Variants in PKHD1 observed in about 807,000 individuals in gnomAD.
PKHD1 encodes the protein PKHD1 ciliary IPT domain containing fibrocystin/polyductin.
PKHD1 carries 291 observed loss-of-function variants against 412.0 expected under a neutral mutation model. The observed-to-expected ratio is 0.71, with a 90% CI of 0.64 to 0.78. The LOEUF is 0.78. Ranked by LOEUF, PKHD1 falls within the 30% of genes least tolerant of loss-of-function variation. The probability of loss-of-function intolerance (pLI) is 0.00; values close to 1 mark genes in which losing one functional copy is unlikely to be tolerated. For missense variants in PKHD1, 4,825 were observed against 4,950.7 expected (o/e 0.97, Z 0.76); for synonymous variants, 1,777 against 1,821.5 (o/e 0.98, Z 0.62).
intron 60 of PKHD1, among the ~76,000 whole-genome samples, chr6:51,691,949 G>T (rs1400169606): frequency 6.6e-6 from 1 of 151,852 alleles, no homozygotes; most frequent in Non-Finnish European, 1.5e-5. Flanking sequence ...CATTTCTTAC[G>T]AACCCTCCAT....
Position 52,022,791 on chromosome 6 carries a change from C to A in PKHD1, c.5380+10G>T, listed in dbSNP as rs988478398. The A allele has an allele frequency of 1.2e-6, 2 of 1,613,636 alleles. No homozygotes were observed. On this transcript the variant is annotated intron_variant, in intron 33 of 66. Coordinates refer to ENST00000371117, the MANE Select transcript of PKHD1 (RefSeq NM_138694.4). Reference sequence around the variant, plus strand: ...GCTTTAAAATATATGTGTGTGGCATCTTTACTCACCATCCAGGGGCAGAAC... The same window carrying A: ...GCTTTAAAATATATGTGTGTGGCATATTTACTCACCATCCAGGGGCAGAAC...
At chr6:51,642,379 G>A (rs1210036984) in intron 63 of PKHD1, among the ~76,000 whole-genome samples, 1 of 152,138 alleles carries the variant, frequency 6.6e-6, no homozygotes, top group Non-Finnish European at 1.5e-5. Flanking sequence ...GTAAGGGTCT[G>A]GAGAATGTGT....
chr6:51,993,338 T>C (rs1459111268), intron 35 of PKHD1, among the ~76,000 whole-genome samples: 1 of 152,208 alleles, frequency 6.6e-6, no homozygotes, highest in Admixed American at 6.5e-5. Context: ...ATCTCATCAG[T>C]GTCACTGTTC....
At chr6:51,978,427 G>A (rs1248990668) in intron 35 of PKHD1, among the ~76,000 whole-genome samples, 1 of 152,112 alleles carries the variant, frequency 6.6e-6, no homozygotes, top group African/African-American at 2.4e-5. Context: ...CAAAGCCAAG[G>A]AACTTGCAGG....
intron 52 of PKHD1, among the ~76,000 whole-genome samples, chr6:51,819,335 GACTT>G: frequency 6.6e-6 from 1 of 152,270 alleles, no homozygotes; most frequent in East Asian, 1.9e-4. Context: ...AAATTTGTTT[GACTT>G]ACTTTTTTTT....
rs1252539975 is a variant in PKHD1 at position 51,912,571 on chromosome 6, G to A, written c.6127C>T (p.Leu2043=). The change falls in exon 38 of 67, where the codon CTA becomes TTA. Residue 2043 remains leucine, a synonymous_variant. Coordinates refer to ENST00000371117, the MANE Select transcript of PKHD1 (RefSeq NM_138694.4). The part of the protein sequence containing the change: ...RNGTLSLHGS[L]PEVIVTCLRA... ...AGACAGGTGACAATTACTTCTGGTA[G>A]TGAACCTAAAGCAGCCCGAGGAAAA... 2 of 1,609,994 alleles carry A rather than the reference G, an allele frequency of 1.2e-6. No individual in the cohort carries two copies. The highest frequency in any genetic ancestry group is 2.2e-5 in the East Asian group (1 of 44,854).
chr6:51,973,249 C>A (rs549415106), intron 35 of PKHD1, among the ~76,000 whole-genome samples: 1 of 152,154 alleles, frequency 6.6e-6, no homozygotes, highest in Non-Finnish European at 1.5e-5. Context: ...TTTTGCAGTA[C>A]ACTTTTCTCT....
At chr6:51,844,938 G>A (rs1770887256) in intron 50 of PKHD1, among the ~76,000 whole-genome samples, 1 of 152,172 alleles carries the variant, frequency 6.6e-6, no homozygotes, top group African/African-American at 2.4e-5. Context: ...CCAGGAATAT[G>A]TCCACATAGA....
At position 52,017,479 on chromosome 6, in the gene PKHD1, G is replaced by A; in HGVS notation, c.5531C>T (p.Ser1844Phe). 6.2e-7 allele frequency: 1 copy of A among 1,614,098 alleles called. No individual in the cohort carries two copies. The highest frequency in any genetic ancestry group is 8.5e-7 in the Non-Finnish European group (1 of 1,179,944). ...WPYLYICEES[S>F]QCLFVPDHWA... ...ATGATCTGGCACAAAGAGGCATTGG[G>A]AACTTTCCTCGCAAATGTAGAGGTA... Residue 1844 changes from serine (S) to phenylalanine (F), a missense_variant, in exon 34 of 67, where the codon TCC (serine) becomes TTC (phenylalanine). Ser to Phe is a radical substitution (Grantham distance 155). Coordinates refer to ENST00000371117, the MANE Select transcript of PKHD1 (RefSeq NM_138694.4).
At chr6:51,722,133 C>G in intron 60 of PKHD1, 1 of 1,558,922 alleles carries the variant, frequency 6.4e-7, no homozygotes, top group Non-Finnish European at 8.8e-7. Flanking sequence ...GAAAATACCC[C>G]ACACCTTGTA....
intron 48 of PKHD1, among the ~76,000 whole-genome samples, chr6:51,860,865 A>G (rs9395734): frequency 0.4 from 60,784 of 151,490 alleles, 13,336 homozygotes; most frequent in East Asian, 0.85. Context: ...AGGCTGGAGC[A>G]CAGTGGCATG....
rs202133636 is a variant in PKHD1 at position 52,076,302 on chromosome 6, T to C, written c.422A>G (p.Gln141Arg). The C allele has an allele frequency of 1.2e-5, 19 of 1,612,154 alleles. No homozygotes were observed. Among genetic ancestry groups the C allele is most frequent in the Admixed American group, 1.7e-5 (1 of 59,994 alleles). Reference sequence around the variant, plus strand: ...TGGAACACCACTTGGTGGATAAACTTGGTGAACGATGGGTGTCTGCGCCTT... The same window carrying C: ...TGGAACACCACTTGGTGGATAAACTCGGTGAACGATGGGTGTCTGCGCCTT... ...FSKAQTPIVH[Q>R]VYPPSGVPGK... Residue 141 changes from glutamine (Q) to arginine (R), a missense_variant, in exon 6 of 67, where the codon CAA becomes CGA. Transcript: ENST00000371117.
Position 51,747,992 on chromosome 6 carries a change from G to T in PKHD1, c.9624C>A (p.Thr3208=). The change falls in exon 58 of 67, where the codon ACC becomes ACA. Residue 3208 remains threonine, a synonymous_variant. Transcript: ENST00000371117. ...IVLRNSVIVA[T]SSSFDCIQDK... ...CCTGAATGCAGTCAAAAGAAGAGCT[G>T]GTGGCCACAATGACTGAATTCCTAA... 1.2e-6 allele frequency: 2 copies of T among 1,614,036 alleles called. No individual in the cohort carries two copies. The highest frequency in any genetic ancestry group is 1.7e-6 in the Non-Finnish European group (2 of 1,179,946).
Position 51,791,089 on chromosome 6 carries a change from G to C in PKHD1, c.8440+147C>G. On this transcript the variant is annotated intron_variant, in intron 53 of 66. Transcript: ENST00000371117. ...CTGACCACATGTAAAGCTTGCCGAA[G>C]AGCAACTTTACTGGTGCACTCACTA... 7 of 797,038 alleles carry C rather than the reference G, an allele frequency of 8.8e-6. 1 individual carries two copies. In the Admixed American group the frequency reaches 1.3e-4, roughly 15 times the overall value. The allele number at this position is 797,038 out of a possible 1,614,324, so 49.4% of individuals were successfully genotyped here.
intron 60 of PKHD1, among the ~76,000 whole-genome samples, chr6:51,685,413 A>G (rs953807078): frequency 6.6e-6 from 1 of 152,152 alleles, no homozygotes; most frequent in African/African-American, 2.4e-5. Context: ...TAAGAATAGA[A>G]GTATTTCCTC....
intron 65 of PKHD1, among the ~76,000 whole-genome samples, 184 bp downstream of exon 65, chr6:51,632,381 C>G (rs1355831988): frequency 6.6e-6 from 1 of 152,040 alleles, no homozygotes; most frequent in Non-Finnish European, 1.5e-5. Context: ...GCTATTATTA[C>G]TTAAGATTAG....
At chr6:52,023,012 T>G in intron 32 of PKHD1, 68 bp from the exon 33 acceptor site, 3 of 1,579,440 alleles carry the variant, frequency 1.9e-6, no homozygotes, top group African/African-American at 1.3e-5. Context: ...AACTCAAAAT[T>G]CAAACATTTG....
intron 55 of PKHD1, among the ~76,000 whole-genome samples, chr6:51,758,014 A>AAGAGAGAGAGAGAGAGAGAGAGAGAGAG (rs10534219): frequency 2.0e-4 from 25 of 126,084 alleles, no homozygotes; most frequent in Non-Finnish European, 2.6e-4. Context: ...ACCCTGCCAA[A>AAGAGAGAGAGAGAGAGAGAGAGAGAGAG]AGAGAGAGAG....
At chr6:51,943,133 T>A (rs1561944876) in intron 36 of PKHD1, among the ~76,000 whole-genome samples, 1 of 151,508 alleles carries the variant, frequency 6.6e-6, no homozygotes, top group Non-Finnish European at 1.5e-5. Flanking sequence ...TGGCCTTTAT[T>A]AGTCAAATCA....
Sources: gnomAD v4.1 joint callset for allele counts (sites outside exome capture counted in the v4.1 genomes callset) on GRCh38, gnomAD v4.1.1 for gene constraint, MANE v1.5 for transcripts, NCBI Gene and HGNC (gene_info 2026-07-23, HGNC 2026-07-21) for gene names.